Variants in ABCA10 observed in about 807,000 individuals in gnomAD.
The protein encoded by ABCA10 is ATP binding cassette subfamily A member 10.
ABCA10 carries 169 observed loss-of-function variants against 187.5 expected under a neutral mutation model. The ratio of observed to expected loss-of-function variants is 0.90; its 90% CI spans 0.80 to 1.02. The LOEUF (loss-of-function observed/expected upper bound fraction) is 1.02, where lower values mean the gene tolerates loss of function less well. Among genes scored for constraint, ABCA10 ranks in the 50% least tolerant of loss-of-function variants. The pLI is 0.00. For synonymous variants in ABCA10, 574 were observed against 601.8 expected (o/e 0.95, Z 0.68); for missense variants, 1,727 against 1,812.4 (o/e 0.95, Z 0.86).
At chr17:69,181,912 T>C (rs1379770300) in intron 22 of ABCA10, among the ~76,000 whole-genome samples, 1 of 151,678 alleles carries the variant, frequency 6.6e-6, no homozygotes, top group Admixed American at 6.6e-5. Flanking sequence ...TATATATATA[T>C]ATGTATGCCA....
chr17:69,195,030 G>A (rs9893596), intron 11 of ABCA10, among the ~76,000 whole-genome samples: 14,447 of 152,166 alleles, frequency 0.095, 2,359 homozygotes, highest in African/African-American at 0.33. Flanking sequence ...ATGATATTTA[G>A]AAATATCTGC....
intron 12 of ABCA10, 127 bp from the exon 13 acceptor site, chr17:69,194,116 T>C (rs2074481855): frequency 5.4e-6 from 5 of 931,748 alleles, no homozygotes; most frequent in Non-Finnish European, 7.8e-6. Context: ...CATTTTCCAA[T>C]TGCATAATTA....
chr17:69,172,709 G>A (rs1598095116), intron 25 of ABCA10, among the ~76,000 whole-genome samples: 1 of 151,864 alleles, frequency 6.6e-6, no homozygotes, highest in Non-Finnish European at 1.5e-5. Context: ...AAAAAGGGAA[G>A]AAAAAAGAGA....
At chr17:69,162,100 A>T (rs1379089410) in intron 27 of ABCA10, among the ~76,000 whole-genome samples, 1 of 152,196 alleles carries the variant, frequency 6.6e-6, no homozygotes, top group East Asian at 1.9e-4. Context: ...AATTAAAGTT[A>T]ATCAAACTTT....
At chr17:69,156,946 A>T in intron 27 of ABCA10, 23 bp from the exon 28 acceptor site, 1 of 1,436,156 alleles carries the variant, frequency 7.0e-7, no homozygotes, top group Non-Finnish European at 9.5e-7. Context: ...AAAAATAATC[A>T]GAATTAGCAT....
intron 25 of ABCA10, among the ~76,000 whole-genome samples, chr17:69,168,827 C>T (rs967490680): frequency 6.6e-6 from 1 of 152,222 alleles, no homozygotes; most frequent in Non-Finnish European, 1.5e-5. Flanking sequence ...CACAAGCTCT[C>T]TCTTTGCCTA....
intron 9 of ABCA10, among the ~76,000 whole-genome samples, chr17:69,206,274 G>A (rs752557396): frequency 3.3e-5 from 5 of 152,076 alleles, no homozygotes; most frequent in East Asian, 1.9e-4. Flanking sequence ...TTTGTCCCCC[G>A]ACATGATCAG....
At chr17:69,184,354 G>A (rs1243115493) in intron 20 of ABCA10, among the ~76,000 whole-genome samples, 1 of 152,024 alleles carries the variant, frequency 6.6e-6, no homozygotes, top group Non-Finnish European at 1.5e-5. Flanking sequence ...GGGCAAGCTT[G>A]CATCCTCCCT....
intron 9 of ABCA10, among the ~76,000 whole-genome samples, chr17:69,205,520 T>C (rs1487470393): frequency 6.6e-6 from 1 of 152,210 alleles, no homozygotes; most frequent in Non-Finnish European, 1.5e-5. Flanking sequence ...CAATAAAATA[T>C]TCAATTCTAT....
At chr17:69,210,079 ACTTT>A in intron 9 of ABCA10, among the ~76,000 whole-genome samples, 1 of 109,862 alleles carries the variant, frequency 9.1e-6, no homozygotes, top group Non-Finnish European at 1.8e-5. Flanking sequence ...TTATGCTATT[ACTTT>A]ATTATTATTA....
intron 5 of ABCA10, among the ~76,000 whole-genome samples, chr17:69,220,658 G>C (rs959221391): frequency 6.6e-6 from 1 of 152,162 alleles, no homozygotes; most frequent in Non-Finnish European, 1.5e-5. Flanking sequence ...TACTAAGTTT[G>C]AATTGCTTGA....
chr17:69,237,496 C>G (rs576503058), intron 1 of ABCA10, among the ~76,000 whole-genome samples: 1 of 152,124 alleles, frequency 6.6e-6, no homozygotes, highest in African/African-American at 2.4e-5. Flanking sequence ...ATATTTAACA[C>G]GGAAATATTA....
At chr17:69,231,565 T>A (rs2144859767), upstream of ABCA10, among the ~76,000 whole-genome samples, 1 of 152,308 alleles carries the variant, frequency 6.6e-6, no homozygotes, top group East Asian at 1.9e-4. Flanking sequence ...GTCCGTGTAT[T>A]TGTACCATTT....
At chr17:69,214,432 G>A (rs1323776898) in intron 9 of ABCA10, among the ~76,000 whole-genome samples, 6 of 150,548 alleles carry the variant, frequency 4.0e-5, no homozygotes, top group African/African-American at 1.5e-4. Context: ...GGAGAATGGC[G>A]TGAACCCGGG....
chr17:69,241,836 A>G (rs1438148755), intron 1 of ABCA10, among the ~76,000 whole-genome samples: 4 of 152,236 alleles, frequency 2.6e-5, no homozygotes, highest in Non-Finnish European at 5.9e-5. Context: ...TAGTGCTTAG[A>G]AAAGTGCTTG....
chr17:69,241,513 G>A (rs887888128), intron 1 of ABCA10, among the ~76,000 whole-genome samples: 2 of 152,094 alleles, frequency 1.3e-5, no homozygotes, highest in African/African-American at 4.8e-5. Context: ...ATGTCCATAA[G>A]GGCCCTTTCG....
Position 69,201,862 on chromosome 17 carries a change from G to A in ABCA10, c.1007-194C>T, listed in dbSNP as rs951314127. 3.9e-5 allele frequency among the ~76,000 whole-genome samples: 6 copies of A among 151,982 alleles called. No homozygotes were observed. The South Asian group carries it at 6.2e-4, about 16-fold the overall frequency. ...TGCAATGGCACGATCCTGGCTCACCGCAACCTCCGCCTCCCAGGTTCAAGC... is the reference window on the plus strand; with the variant it reads ...TGCAATGGCACGATCCTGGCTCACCACAACCTCCGCCTCCCAGGTTCAAGC... On this transcript the variant is annotated intron_variant, in intron 9 of 38. Coordinates refer to ENST00000690296, the MANE Select transcript of ABCA10 (RefSeq NM_001377321.1).
intron 22 of ABCA10, among the ~76,000 whole-genome samples, chr17:69,176,688 A>G (rs1024340137): frequency 1.3e-5 from 2 of 152,052 alleles, no homozygotes; most frequent in Non-Finnish European, 2.9e-5. Flanking sequence ...AAATGGGCCA[A>G]TGTCATTGGT....
chr17:69,185,326 A>T (rs894997566), intron 20 of ABCA10, 151 bp downstream of exon 20: 26 of 747,036 alleles, frequency 3.5e-5, no homozygotes, highest in African/African-American at 5.3e-5. Context: ...AAAAAATATT[A>T]AAAAAGAAAA....
Sources: gnomAD v4.1 joint callset for allele counts (sites outside exome capture counted in the v4.1 genomes callset) on GRCh38, gnomAD v4.1.1 for gene constraint, MANE v1.5 for transcripts, NCBI Gene and HGNC (gene_info 2026-07-23, HGNC 2026-07-21) for gene names.